Variants in THADA observed in about 807,000 individuals in gnomAD.
THADA encodes THADA armadillo repeat containing, also known as tRNA (32-2'-O)-methyltransferase regulator THADA.
A neutral mutation model predicts 219.8 loss-of-function variants in THADA; 213 were observed. That is an observed-to-expected ratio of 0.97 (90% CI 0.87 to 1.09). THADA has a LOEUF of 1.09. THADA is among the 50% of genes least tolerant of loss of function. The pLI is 0.00. For missense variants in THADA, 2,956 were observed against 2,311.3 expected, an observed-to-expected ratio of 1.28 and a Z score of -5.72; for synonymous variants, 1,018 against 828.9, an observed-to-expected ratio of 1.23 and a Z score of -3.92.
chr2:43,277,588 T>A (rs1459412220), intron 36 of THADA, among the ~76,000 whole-genome samples: 2 of 152,332 alleles, frequency 1.3e-5, no homozygotes, highest in East Asian at 3.9e-4. Flanking sequence ...TCTGCATCCA[T>A]CCCTCACTGA....
intron 29 of THADA, among the ~76,000 whole-genome samples, chr2:43,370,570 T>C (rs764458527): frequency 9.2e-5 from 14 of 152,174 alleles, no homozygotes; most frequent in African/African-American, 3.1e-4. Flanking sequence ...GAATGGAATA[T>C]AGGCCCCTTT....
intron 29 of THADA, among the ~76,000 whole-genome samples, chr2:43,368,524 G>A (rs895668488): frequency 6.6e-6 from 1 of 151,812 alleles, no homozygotes; most frequent in Admixed American, 6.6e-5. Flanking sequence ...AGCCTCCCCA[G>A]TAGCTGGAAC....
Position 43,567,795 on chromosome 2 carries a change from T to C in THADA, c.2188-974A>G, listed in dbSNP as rs149020270. Among the ~76,000 whole-genome samples, 40 of 152,364 alleles carry C rather than the reference T, an allele frequency of 2.6e-4. 1 individual carries two copies. The East Asian group carries it at 7.7e-3, about 29-fold the overall frequency. On this transcript the variant is annotated intron_variant, in intron 14 of 37. Coordinates refer to ENST00000405975, the MANE Select transcript of THADA (RefSeq NM_022065.5). ...TGAGCACACTATCCTACATACATAG[T>C]AATGCTCAGTATATGCTCTAATCAC...
At chr2:43,559,505 T>C (rs552415409) in intron 16 of THADA, among the ~76,000 whole-genome samples, 1 of 152,242 alleles carries the variant, frequency 6.6e-6, no homozygotes, top group Non-Finnish European at 1.5e-5. Context: ...AGAGCTCTAA[T>C]AGAAAGCCAT....
At chr2:43,464,502 G>T (rs890152772) in intron 26 of THADA, among the ~76,000 whole-genome samples, 3 of 152,098 alleles carry the variant, frequency 2.0e-5, no homozygotes, top group African/African-American at 7.2e-5. Context: ...CCTTGGGCCT[G>T]GGTTTTTTTC....
intron 4 of THADA, among the ~76,000 whole-genome samples, chr2:43,587,529 T>C (rs1701148598): frequency 1.3e-5 from 2 of 152,200 alleles, no homozygotes. Context: ...GTTTCCTCCA[T>C]CCAAAATACT....
chr2:43,515,110 T>TATA (rs1558891016), intron 22 of THADA, among the ~76,000 whole-genome samples: 13 of 10,808 alleles, frequency 1.2e-3, no homozygotes, highest in South Asian at 2.8e-3. Context: ...TATAATATAT[T>TATA]TTATATATAA....
intron 7 of THADA, among the ~76,000 whole-genome samples, chr2:43,583,912 C>T (rs962681750): frequency 1.3e-5 from 2 of 151,474 alleles, no homozygotes; most frequent in African/African-American, 2.4e-5. Flanking sequence ...TAGTGGCGGA[C>T]GTCTGTGGGC....
intron 25 of THADA, among the ~76,000 whole-genome samples, chr2:43,495,646 T>C (rs1688177260): frequency 6.6e-6 from 1 of 152,200 alleles, no homozygotes; most frequent in Admixed American, 6.5e-5. Context: ...AATCACTCAT[T>C]TCTGATAGTT....
At chr2:43,590,997 T>G (rs944095308) in intron 3 of THADA, 43 bp from the exon 4 acceptor site, 13 of 1,569,206 alleles carry the variant, frequency 8.3e-6, no homozygotes, top group Non-Finnish European at 1.1e-5. Context: ...ATATCAAATA[T>G]AGCAAAGTAA....
At chr2:43,286,764 G>T in intron 35 of THADA, 144 bp downstream of exon 35, 1 of 920,166 alleles carries the variant, frequency 1.1e-6, no homozygotes, top group Non-Finnish European at 1.6e-6. Context: ...ATTAGAGCAT[G>T]AACTAAGACG....
Position 43,297,990 on chromosome 2 carries a change from G to T in THADA, c.4439-4777C>A, listed in dbSNP as rs1675765913. On this transcript the variant is annotated intron_variant, in intron 31 of 37. Coordinates refer to ENST00000405975, the MANE Select transcript of THADA (RefSeq NM_022065.5). The stretch of plus-strand genomic sequence containing the variant: ...CCGCCCGGCCAGCCGCCCCGTCCGG[G>T]AGGGAGTGTGGGGGGGGTCAGCCCC... Among the ~76,000 whole-genome samples, 2 of 1,076 alleles carry T rather than the reference G, an allele frequency of 1.9e-3. 1 individual carries two copies. The highest frequency in any genetic ancestry group is 7.1e-3 in the Non-Finnish European group (2 of 280). 0.7% of individuals were successfully genotyped at this position (1,076 alleles called of 152,430 possible). A position where few individuals can be genotyped will look rare whatever the true frequency, so the allele number is the denominator to read the frequency against.
rs1325897252 is a variant in THADA at position 43,293,001 on chromosome 2, A to G, written c.4651T>C (p.Ser1551Pro). The G allele has an allele frequency of 6.2e-7, 1 of 1,613,972 alleles. No individual in the cohort carries two copies. Among genetic ancestry groups the G allele is most frequent in the South Asian group, 1.1e-5 (1 of 91,078 alleles). Reference protein sequence around the residue: ...VPISFSQLLESAFPEVRSLTL... With the variant: ...VPISFSQLLEPAFPEVRSLTL... ...AGTGAGCGCACTTCAGGGAAGGCAGATTCTAACAGCTGAGAGAAAGAGATG... is the reference window on the plus strand; with the variant it reads ...AGTGAGCGCACTTCAGGGAAGGCAGGTTCTAACAGCTGAGAGAAAGAGATG... The change falls in exon 32 of 38, where the codon TCT (serine) becomes CCT (proline). Residue 1551 changes from serine to proline, a missense_variant. By Grantham distance (74) the Ser-to-Pro change is moderately conservative. Transcript: ENST00000405975.
chr2:43,276,846 T>A (rs902724268), intron 36 of THADA, among the ~76,000 whole-genome samples: 2 of 152,126 alleles, frequency 1.3e-5, no homozygotes, highest in African/African-American at 4.8e-5. Flanking sequence ...GACTTCTACA[T>A]CAGTGCCAGA....
chr2:43,258,274 G>A (rs1001282759), intron 36 of THADA, among the ~76,000 whole-genome samples: 9 of 152,278 alleles, frequency 5.9e-5, no homozygotes, highest in African/African-American at 2.2e-4. Flanking sequence ...TGTAATCCCA[G>A]CACTTTGGGA....
In THADA at chr2:43,578,602, G is replaced by C. The variant is rs750141761; in HGVS notation, c.727C>G (p.Leu243Val). 3.1e-6 allele frequency: 5 copies of C among 1,589,712 alleles called. No homozygotes were observed. Among genetic ancestry groups the C allele is most frequent in the Non-Finnish European group, 4.3e-6 (5 of 1,167,312 alleles). Residue 243 changes from leucine (L) to valine (V), a missense_variant, in exon 9 of 38, where the codon CTG (leucine) becomes GTG (valine). Physicochemically the swap from Leu to Val is conservative, Grantham distance 32. Coordinates refer to ENST00000405975, the MANE Select transcript of THADA (RefSeq NM_022065.5). ...GATGTGCTCTGTACAGTCTGTAACA[G>C]ATCATCTATTTGGCAAAAAAGGAGA... ...IFTKVLSDDD[L>V]LQTVQSTSGL...
intron 36 of THADA, among the ~76,000 whole-genome samples, chr2:43,275,430 G>A (rs1052551326): frequency 6.6e-6 from 1 of 152,138 alleles, no homozygotes; most frequent in African/African-American, 2.4e-5. Flanking sequence ...GGAAAAGCAA[G>A]AAGCCTGAGG....
At chr2:43,239,201 C>CA (rs1231059715) in intron 36 of THADA, among the ~76,000 whole-genome samples, 2 of 152,196 alleles carry the variant, frequency 1.3e-5, no homozygotes, top group Admixed American at 1.3e-4. Context: ...GGAAGCAAAC[C>CA]AGAGCCTTCA....
chr2:43,292,116 G>GCAAT lies in THADA; in HGVS notation c.4921_4924dup (p.Ala1642AspfsTer5). Reference sequence around the variant, plus strand: ...TTTGGGGGCAAACCTTTCATTGGAAGCAATATCCATCGTCCAGATCAAGAA... The same window carrying GCAAT: ...TTTGGGGGCAAACCTTTCATTGGAAGCAATCAATATCCATCGTCCAGATCAAGAA... On this transcript the variant is annotated frameshift_variant, in exon 33 of 38. Transcript: ENST00000405975. LOFTEE classifies it high-confidence loss of function. The GCAAT allele has an allele frequency of 5.6e-6, 9 of 1,604,194 alleles. No homozygotes were observed. Among genetic ancestry groups the GCAAT allele is most frequent in the Non-Finnish European group, 7.7e-6 (9 of 1,175,732 alleles).
Sources: allele counts gnomAD v4.1 joint callset (sites outside exome capture counted in the v4.1 genomes callset), GRCh38; gene constraint gnomAD v4.1.1; transcripts MANE v1.5; gene names NCBI Gene and HGNC (gene_info 2026-07-23, HGNC 2026-07-21).